CASP5: variants seen among roughly 807,000 people sequenced by gnomAD.
The protein encoded by CASP5 is caspase 5.
A neutral mutation model predicts 45.2 loss-of-function variants in CASP5; 42 were observed. That is an observed-to-expected ratio of 0.93 (90% confidence interval 0.73 to 1.20). The LOEUF is 1.20. Ranked by LOEUF, CASP5 falls within the 50% of genes most tolerant of loss-of-function variation. The pLI, the probability that CASP5 is intolerant of heterozygous loss-of-function variation, is 0.00. For missense variants in CASP5, 512 were observed against 532.2 expected, an observed-to-expected ratio of 0.96 and a Z score of 0.37; for synonymous variants, 209 against 186.2, an observed-to-expected ratio of 1.12 and a Z score of -1.00.
chr11:105,008,165 A>G (rs1340324078), intron 2 of CASP5, among the ~76,000 whole-genome samples: 2 of 152,128 alleles, frequency 1.3e-5, no homozygotes, highest in East Asian at 1.9e-4. Context: ...TTTGATATAT[A>G]TTAGTTTCTT....
At chr11:105,001,689 TCC>T (rs1861734999) in intron 5 of CASP5, among the ~76,000 whole-genome samples, 8 of 152,110 alleles carry the variant, frequency 5.3e-5, no homozygotes, top group Admixed American at 4.6e-4. Context: ...TAGAGTGCCC[TCC>T]TGCCTAAAAC....
intron 1 of CASP5, among the ~76,000 whole-genome samples, chr11:105,017,727 A>G: frequency 6.6e-6 from 1 of 152,086 alleles, no homozygotes; most frequent in East Asian, 1.9e-4. Context: ...GTTGGAAAAC[A>G]CTCTGCAGGA....
rs76889221 is a variant in CASP5, at chr11:104,997,884, G to A, written c.1097-392C>T. 8.6e-4 allele frequency among the ~76,000 whole-genome samples: 131 copies of A among 152,244 alleles called. 1 individual carries two copies. The East Asian group carries it at 0.017, about 20-fold the overall frequency. On this transcript the variant is annotated intron_variant, in intron 7 of 9. Transcript: ENST00000260315. ...AGTGAGGAAGCAACAAAAAACTACC[G>A]TCGGGCTCCAAGATTGTTTACAGAT... is the stretch of plus-strand genomic sequence containing the variant.
intron 1 of CASP5, among the ~76,000 whole-genome samples, chr11:105,016,518 T>A (rs1280046152): frequency 6.6e-6 from 1 of 152,248 alleles, no homozygotes; most frequent in South Asian, 2.1e-4. Flanking sequence ...GTCAGGGAGT[T>A]CCCTTTCCTA....
chr11:105,009,786 T>TATATAC (rs1313739061), intron 1 of CASP5, among the ~76,000 whole-genome samples: 10 of 94,924 alleles, frequency 1.1e-4, no homozygotes, highest in African/African-American at 3.5e-4. Flanking sequence ...TATATATATA[T>TATATAC]ACACACGTAT....
At position 105,005,358 on chromosome 11, in the gene CASP5, G is replaced by A. The variant is rs150350364; in HGVS notation, c.433+1725C>T. Reference sequence around the variant, plus strand: ...CGGTATATAGTGTGTATATATATATGTGTGTGTGTGTGTGTGTGTGTGTGT... The same window carrying A: ...CGGTATATAGTGTGTATATATATATATGTGTGTGTGTGTGTGTGTGTGTGT... On this transcript the variant is annotated intron_variant, in intron 3 of 9. Coordinates refer to ENST00000260315, the MANE Select transcript of CASP5 (RefSeq NM_004347.5). Among the ~76,000 whole-genome samples the A allele has an allele frequency of 6.6e-4, 26 of 39,116 alleles. No homozygotes were observed. In the South Asian group the frequency reaches 7.0e-3, roughly 11 times the overall value. 25.7% of individuals were successfully genotyped at this position (39,116 alleles called of 152,430 possible).
intron 6 of CASP5, among the ~76,000 whole-genome samples, 199 bp downstream of exon 6, chr11:105,000,062 G>A (rs904719529): frequency 6.6e-6 from 1 of 152,190 alleles, no homozygotes; most frequent in African/African-American, 2.4e-5. Context: ...TATCACCGTG[G>A]ATAAAATTGT....
At chr11:105,009,771 GTA>G (rs35870613) in intron 1 of CASP5, among the ~76,000 whole-genome samples, 26,884 of 87,622 alleles carry the variant, frequency 0.31, 4,087 homozygotes, top group East Asian at 0.47. Flanking sequence ...ACACACACAC[GTA>G]TATATATATA....
chr11:105,017,697 G>A (rs1862700699), intron 1 of CASP5, among the ~76,000 whole-genome samples: 1 of 151,800 alleles, frequency 6.6e-6, no homozygotes, highest in Admixed American at 6.6e-5. Context: ...ACCTGAAAGT[G>A]ACGGGGAGAA....
rs765797483 is a variant in CASP5 at position 105,000,405 on chromosome 11, G to A, written c.808C>T (p.Leu270=). ...TFLVLMSHGI[L]EGICGTAHKK... is the part of the protein sequence containing the mutation. ...TGCGCAGTTCCGCAGATTCCCTCTAGGATGCCATGAGACATGAGTACCAAG... is the reference window on the plus strand; with the variant it reads ...TGCGCAGTTCCGCAGATTCCCTCTAAGATGCCATGAGACATGAGTACCAAG... The change falls in exon 6 of 10, where the codon CTA becomes TTA. Residue 270 remains leucine, a synonymous_variant. Coordinates refer to ENST00000260315, the MANE Select transcript of CASP5 (RefSeq NM_004347.5). 93 of 1,614,142 alleles carry A rather than the reference G, an allele frequency of 5.8e-5. 1 individual carries two copies. The South Asian group carries it at 9.8e-4, about 17-fold the overall frequency.
chr11:105,019,108 G>A (rs1271843582), intron 1 of CASP5, among the ~76,000 whole-genome samples: 3 of 150,456 alleles, frequency 2.0e-5, no homozygotes, highest in Admixed American at 6.7e-5. Context: ...TGAAACCAAC[G>A]AGAACAAAGA....
At chr11:105,010,836 T>C (rs1445802873) in intron 1 of CASP5, among the ~76,000 whole-genome samples, 2 of 151,660 alleles carry the variant, frequency 1.3e-5, no homozygotes, top group African/African-American at 4.8e-5. Flanking sequence ...CTCTTTTATA[T>C]GGAAAAGGAA....
intron 3 of CASP5, among the ~76,000 whole-genome samples, chr11:105,005,392 G>T (rs1861956080): frequency 6.7e-6 from 1 of 148,632 alleles, no homozygotes; most frequent in East Asian, 1.9e-4. Context: ...GTGTGTGTGT[G>T]TGTGTAAACA....
rs2282658 is a variant in CASP5 at position 105,006,990 on chromosome 11, C to T, written c.433+93G>A. 5 of 1,033,908 alleles carry T rather than the reference C, an allele frequency of 4.8e-6. No individual in the cohort carries two copies. The Middle Eastern group carries it at 6.4e-4, about 132-fold the overall frequency. 64.0% of individuals were successfully genotyped at this position (1,033,908 alleles called of 1,614,324 possible). A position where few individuals can be genotyped will look rare whatever the true frequency, so the allele number is the denominator to read the frequency against. On this transcript the variant is annotated intron_variant, in intron 3 of 9. Transcript: ENST00000260315. ...TGAAAATGAGAGTTTAGAAATGAAACTGTAGGTAGATCACAGATAACACTG... is the reference window on the plus strand; with the variant it reads ...TGAAAATGAGAGTTTAGAAATGAAATTGTAGGTAGATCACAGATAACACTG...
At position 105,003,806 on chromosome 11, in the gene CASP5, C is replaced by T. The variant is rs541898113; in HGVS notation, c.434-423G>A. 9.6e-4 allele frequency among the ~76,000 whole-genome samples: 145 copies of T among 151,720 alleles called. 3 individuals carry two copies. The South Asian group carries it at 0.028, about 29-fold the overall frequency. On this transcript the variant is annotated intron_variant, in intron 3 of 9. Coordinates refer to ENST00000260315, the MANE Select transcript of CASP5 (RefSeq NM_004347.5). Reference sequence around the variant, plus strand: ...GCTATTTGAAATACAATGTGAGTTCCATATGCAATATTAAATTTTCTAATA... The same window carrying T: ...GCTATTTGAAATACAATGTGAGTTCTATATGCAATATTAAATTTTCTAATA...
At chr11:104,995,697 G>A (rs763626381) in intron 9 of CASP5, 43 bp downstream of exon 9, 29 of 1,271,544 alleles carry the variant, frequency 2.3e-5, no homozygotes, top group Non-Finnish European at 3.2e-5. Context: ...CACCGATATA[G>A]CTCTTTCATT....
At position 105,001,966 on chromosome 11, in the gene CASP5, CTA is replaced by C. The variant is rs1349898366; in HGVS notation, c.717+60_717+61del. 6.5e-5 allele frequency: 100 copies of C among 1,530,926 alleles called. No homozygotes were observed. In the Admixed American group the frequency reaches 1.9e-3, roughly 29 times the overall value. 94.8% of individuals were successfully genotyped at this position (1,530,926 alleles called of 1,614,324 possible). Reference sequence around the variant, plus strand: ...CCTTGTTGAACTTCTATAAAGCTAACTAATTATTAGAAGAATCTGTGTTGCCT... The same window carrying C: ...CCTTGTTGAACTTCTATAAAGCTAACATTATTAGAAGAATCTGTGTTGCCT... On this transcript the variant is annotated intron_variant, in intron 5 of 9. Coordinates refer to ENST00000260315, the MANE Select transcript of CASP5 (RefSeq NM_004347.5).
Position 105,021,023 on chromosome 11 carries a change from A to C in CASP5, c.7+2107T>G, listed in dbSNP as rs1862929178. On this transcript the variant is annotated intron_variant, in intron 1 of 9. Coordinates refer to ENST00000260315, the MANE Select transcript of CASP5 (RefSeq NM_004347.5). The stretch of plus-strand genomic sequence containing the variant: ...AATGCCGCATATCTACAACTATCTG[A>C]TCTTTGACAAACCTGAGACAAACAA... Among the ~76,000 whole-genome samples, 3 of 152,200 alleles carry C rather than the reference A, an allele frequency of 2.0e-5. No homozygotes were observed. The South Asian group carries it at 6.2e-4, about 32-fold the overall frequency.
At chr11:105,017,555 A>T (rs1276875046) in intron 1 of CASP5, among the ~76,000 whole-genome samples, 1 of 152,232 alleles carries the variant, frequency 6.6e-6, no homozygotes, top group East Asian at 1.9e-4. Flanking sequence ...AAAGGGTATC[A>T]GCGATGGAAG....
Sources: gnomAD v4.1 joint callset for allele counts (sites outside exome capture counted in the v4.1 genomes callset) on GRCh38, gnomAD v4.1.1 for gene constraint, MANE v1.5 for transcripts, NCBI Gene and HGNC (gene_info 2026-07-23, HGNC 2026-07-21) for gene names.